The following TKFC variants were observed in gnomAD, a reference collection of about 807,000 sequenced individuals.
TKFC encodes the protein triokinase and FMN cyclase, also known as triokinase/FMN cyclase.
A neutral mutation model predicts 61.0 loss-of-function variants in TKFC; 46 were observed. The observed-to-expected ratio is 0.75, with a 90% CI of 0.60 to 0.96. TKFC has a LOEUF of 0.96. TKFC is among the 50% of genes least tolerant of loss of function. The pLI is 0.00. For synonymous variants in TKFC, 314 were observed against 330.1 expected, an observed-to-expected ratio of 0.95 and a Z score of 0.53; for missense variants, 715 against 777.5, an observed-to-expected ratio of 0.92 and a Z score of 0.96.
chr11:61,345,822 C>G (rs1384931991), intron 16 of TKFC, 35 bp from the exon 17 acceptor site: 2 of 1,614,152 alleles, frequency 1.2e-6, no homozygotes, highest in Non-Finnish European at 1.7e-6. Context: ...GGTTGCAGGG[C>G]CCGTGCTCAG....
intron 2 of TKFC, among the ~76,000 whole-genome samples, chr11:61,337,681 T>G (rs1004655671): frequency 1.3e-5 from 2 of 152,230 alleles, no homozygotes; most frequent in South Asian, 4.1e-4. Context: ...ATTTTCTTTG[T>G]ATTGCAGCCA....
At chr11:61,342,254 C>T (rs959624248) in intron 7 of TKFC, 11 of 669,790 alleles carry the variant, frequency 1.6e-5, no homozygotes, top group African/African-American at 3.6e-5. Context: ...GTGCTTCCTC[C>T]TTAACTATCT....
Position 61,342,840 on chromosome 11 carries a change from C to A in TKFC, c.861C>A (p.Ser287=). The change falls in exon 10 of 18, where the codon TCC becomes TCA. Residue 287 remains serine (S), a synonymous_variant. Coordinates refer to ENST00000394900, the MANE Select transcript of TKFC (RefSeq NM_015533.4). ...TCATAGCCGACGCTACCGTCCGCTC[C>A]CTGGGTGAGCCATGCACTGGGAAGG... ...LGIIADATVR[S]LEGRGVKIAR... The A allele has an allele frequency of 6.2e-7, 1 of 1,613,926 alleles. No individual in the cohort carries two copies. Among genetic ancestry groups the A allele is most frequent in the Non-Finnish European group, 8.5e-7 (1 of 1,179,974 alleles).
Position 61,339,239 on chromosome 11 carries a change from C to T in TKFC, c.305-15C>T, listed in dbSNP as rs201898222. 169 of 1,611,738 alleles carry T rather than the reference C, an allele frequency of 1.0e-4. No homozygotes were observed. In the East Asian group the frequency reaches 1.7e-3, roughly 17 times the overall value. ...GCACAGTAAGCACACTGAGCCCTTCCGGCTGCTCCCGCAGTGGGGACGCTC... is the reference window on the plus strand; with the variant it reads ...GCACAGTAAGCACACTGAGCCCTTCTGGCTGCTCCCGCAGTGGGGACGCTC... On this transcript the variant is annotated splice_polypyrimidine_tract_variant and intron_variant, in intron 4 of 17. Transcript: ENST00000394900.
rs767478993 is a variant in TKFC at position 61,342,786 on chromosome 11, G to C, written c.807G>C (p.Leu269=). Residue 269 remains leucine (L), a synonymous_variant, in exon 10 of 18, where the codon CTG becomes CTC. Coordinates refer to ENST00000394900, the MANE Select transcript of TKFC (RefSeq NM_015533.4). ...GSSVVMMVNN[L]GGLSFLELGI... ...CAGTTGTGATGATGGTCAACAACCT[G>C]GGTGGCCTGTCATTCCTGGAACTGG... 6.2e-7 allele frequency: 1 copy of C among 1,614,028 alleles called. No individual in the cohort carries two copies. The highest frequency in any genetic ancestry group is 8.5e-7 in the Non-Finnish European group (1 of 1,180,026).
chr11:61,349,711 C>T, downstream of TKFC: 1 of 693,694 alleles, frequency 1.4e-6, no homozygotes, highest in Non-Finnish European at 2.6e-6. Context: ...AACAGAACAG[C>T]TCAGAGCGGT....
Position 61,337,985 on chromosome 11 carries a change from C to A in TKFC, c.48C>A (p.Asp16Glu). 6.2e-7 allele frequency: 1 copy of A among 1,611,656 alleles called. No individual in the cohort carries two copies. The highest frequency in any genetic ancestry group is 1.1e-5 in the South Asian group (1 of 90,808). The change falls in exon 3 of 18, where the codon GAC becomes GAA. Residue 16 changes from aspartate (D) to glutamate (E), a missense_variant. Asp to Glu is a conservative substitution (Grantham distance 45). Transcript: ENST00000394900. The part of the protein sequence containing the change: ...LVNSVAGCAD[D>E]ALAGLVACNP... ...ACTCGGTGGCTGGCTGTGCTGATGA[C>A]GCTCTTGCTGGCCTGGTGGCCTGCA...
chr11:61,339,017 C>T (rs1325014623), intron 3 of TKFC, 49 bp from the exon 4 acceptor site: 8 of 1,536,354 alleles, frequency 5.2e-6, no homozygotes, highest in Non-Finnish European at 7.2e-6. Flanking sequence ...CCAGTGACTA[C>T]AGGCGCGAGT....
chr11:61,335,071 G>C (rs1171279775), intron 2 of TKFC, among the ~76,000 whole-genome samples: 1 of 152,196 alleles, frequency 6.6e-6, no homozygotes, highest in Non-Finnish European at 1.5e-5. Context: ...CGTGAAGAAT[G>C]ACCATGTGAC....
chr11:61,334,877 C>T, intron 2 of TKFC, 146 bp downstream of exon 2: 1 of 1,240,868 alleles, frequency 8.1e-7, no homozygotes, highest in African/African-American at 1.5e-5. Context: ...GTCATCCTCT[C>T]TCCCAGGGTC....
At position 61,348,182 on chromosome 11, in the gene TKFC, T is replaced by C. The variant is rs2135081757; in HGVS notation, c.*1679T>C. 2 of 985,422 alleles carry C rather than the reference T, an allele frequency of 2.0e-6. No individual in the cohort carries two copies. The highest frequency in any genetic ancestry group is 9.4e-5 in the South Asian group (2 of 21,288). 61.0% of individuals were successfully genotyped at this position (985,422 alleles called of 1,614,324 possible). On this transcript the variant is annotated 3_prime_UTR_variant, in exon 18 of 18. Coordinates refer to ENST00000394900, the MANE Select transcript of TKFC (RefSeq NM_015533.4). ...GGCCTGTGGATCCCAGCTCTGTCAT[T>C]TCCTGGCTGGGTGACCTCAACCTAG...
At position 61,346,966 on chromosome 11, in the gene TKFC, A is replaced by G; in HGVS notation, c.*463A>G. 1.0e-6 allele frequency: 1 copy of G among 987,366 alleles called. No homozygotes were observed. The highest frequency in any genetic ancestry group is 1.2e-6 in the Non-Finnish European group (1 of 831,186). The allele number at this position is 987,366 out of a possible 1,614,324, so 61.2% of individuals were successfully genotyped here. A position where few individuals can be genotyped will look rare whatever the true frequency, so the allele number is the denominator to read the frequency against. On this transcript the variant is annotated 3_prime_UTR_variant, in exon 18 of 18. Transcript: ENST00000394900. This position sits in a 1 kb window ranked among gnomAD's most constrained non-coding sequence, Gnocchi z 4.1. ...GGACCTTTTCCCAAGCATGTAAACA[A>G]GGGGGCCCACAGCCCTGGCTGCAGG...
chr11:61,343,887 C>A lies in TKFC; in HGVS notation c.1014C>A (p.Asn338Lys), dbSNP rs751761541. 6.2e-7 allele frequency: 1 copy of A among 1,610,908 alleles called. No individual in the cohort carries two copies. The highest frequency in any genetic ancestry group is 8.5e-7 in the Non-Finnish European group (1 of 1,179,976). Residue 338 changes from asparagine (N) to lysine (K), a missense_variant, in exon 12 of 18, where the codon AAC (asparagine) becomes AAA (lysine). Asn to Lys is a moderately conservative substitution (Grantham distance 94). Coordinates refer to ENST00000394900, the MANE Select transcript of TKFC (RefSeq NM_015533.4). ...DAETTAAAWP[N>K]VAAVSITGRK... ...AAACCACTGCAGCAGCCTGGCCTAA[C>A]GTGGCTGCAGTCTCCATTACTGGGC...
intron 2 of TKFC, 78 bp from the exon 3 acceptor site, chr11:61,337,863 C>A (rs1856674992): frequency 9.1e-6 from 13 of 1,422,008 alleles, no homozygotes; most frequent in South Asian, 4.2e-5. Flanking sequence ...GGGGTCTACA[C>A]CACAGCAGTG....
At chr11:61,345,668 T>C (rs960512019) in intron 15 of TKFC, 44 bp from the exon 16 acceptor site, 30 of 1,614,018 alleles carry the variant, frequency 1.9e-5, no homozygotes, top group Non-Finnish European at 2.5e-5. Context: ...AGTGATTCCC[T>C]TGGTTCCCTA....
chr11:61,347,499 A>G lies in TKFC; in HGVS notation c.*996A>G, dbSNP rs1314414835. The stretch of plus-strand genomic sequence containing the variant: ...GGCTGCGGTGAGCCATAAGCATGCC[A>G]CTATACTCCAGCCTGGGCAACAAAG... On this transcript the variant is annotated 3_prime_UTR_variant, in exon 18 of 18. Coordinates refer to ENST00000394900, the MANE Select transcript of TKFC (RefSeq NM_015533.4). 4 of 984,370 alleles carry G rather than the reference A, an allele frequency of 4.1e-6. No homozygotes were observed. In the East Asian group the frequency reaches 4.6e-4, roughly 112 times the overall value. 61.0% of individuals were successfully genotyped at this position (984,370 alleles called of 1,614,324 possible).
intron 5 of TKFC, among the ~76,000 whole-genome samples, chr11:61,340,631 G>GATGA (rs1483742232): frequency 4.0e-5 from 2 of 49,540 alleles, no homozygotes; most frequent in Admixed American, 2.8e-4. Context: ...TGGGATTACA[G>GATGA]GCGTGAGCCA....
rs1226166357 is a variant in TKFC, at chr11:61,348,505, T to TC, written c.*2009dup. 86 of 984,924 alleles carry TC rather than the reference T, an allele frequency of 8.7e-5. No individual in the cohort carries two copies. Among genetic ancestry groups the TC allele is most frequent in the South Asian group, 2.4e-4 (5 of 21,272 alleles). The allele number at this position is 984,924 out of a possible 1,614,324, so 61.0% of individuals were successfully genotyped here. ...TGTTATTAGAGACTGAATGTTTGTG[T>TC]CCCCCCCAAATTCCTGTGTTGAAAG... is the stretch of plus-strand genomic sequence containing the variant. On this transcript the variant is annotated 3_prime_UTR_variant, in exon 18 of 18. Transcript: ENST00000394900.
intron 5 of TKFC, 154 bp downstream of exon 5, chr11:61,339,589 C>T (rs1036146782): frequency 1.2e-6 from 1 of 847,138 alleles, no homozygotes; most frequent in Non-Finnish European, 1.8e-6. Flanking sequence ...GCCATCCCCT[C>T]AGCTACCTAA....
Sources: gnomAD v4.1 joint callset for allele counts (sites outside exome capture counted in the v4.1 genomes callset) on GRCh38, gnomAD v4.1.1 for gene constraint, Gnocchi (gnomAD v3.1) non-coding constraint, MANE v1.5 for transcripts, NCBI Gene and HGNC (gene_info 2026-07-23, HGNC 2026-07-21) for gene names.